Variants in TENM2 observed in about 807,000 individuals in gnomAD.
TENM2 encodes the protein teneurin transmembrane protein 2.
TENM2 carries 52 observed loss-of-function variants against 245.2 expected under a neutral mutation model. The ratio of observed to expected loss-of-function variants is 0.21; its 90% CI spans 0.17 to 0.27. The LOEUF is 0.27. TENM2 is among the 10% of genes least tolerant of loss of function. The probability of loss-of-function intolerance (pLI) is 1.00; values close to 1 mark genes in which losing one functional copy is unlikely to be tolerated. For missense variants in TENM2, 3,046 were observed against 3,666.8 expected, an observed-to-expected ratio of 0.83 and a Z score of 4.37; for synonymous variants, 1,363 against 1,438.9, an observed-to-expected ratio of 0.95 and a Z score of 1.19.
chr5:167,872,545 AAAG>A (rs1773048985), intron 2 of TENM2, among the ~76,000 whole-genome samples: 7 of 54,960 alleles, frequency 1.3e-4, no homozygotes, highest in African/African-American at 2.8e-4. Flanking sequence ...AGAAAGAAAG[AAAG>A]AGAAAGAAAG....
chr5:167,645,191 G>A (rs1779850340), intron 2 of TENM2, among the ~76,000 whole-genome samples: 1 of 152,182 alleles, frequency 6.6e-6, no homozygotes, highest in African/African-American at 2.4e-5. Flanking sequence ...GACCTCTTAG[G>A]ACTTAGTCTA....
intron 1 of TENM2, among the ~76,000 whole-genome samples, chr5:167,342,316 G>C (rs993572647): frequency 1.3e-5 from 2 of 151,938 alleles, no homozygotes; most frequent in Non-Finnish European, 2.9e-5. Flanking sequence ...CCACAGTTGA[G>C]ATCTGTCTGA....
the TENM2 span, chr5:167,116,297 A>T: frequency 2.0e-5 from 3 of 152,234 alleles, no homozygotes; most frequent in African/African-American, 7.2e-5. Context: ...AGTTCCAAGA[A>T]AGTTTGGGCC....
At chr5:167,393,086 C>A (rs1035313334) in intron 2 of TENM2, among the ~76,000 whole-genome samples, 1 of 148,666 alleles carries the variant, frequency 6.7e-6, no homozygotes, top group South Asian at 2.1e-4. Context: ...CATGCTACTG[C>A]ACTCCAGCAT....
At chr5:167,520,728 T>C (rs532837561) in intron 2 of TENM2, among the ~76,000 whole-genome samples, 1 of 152,066 alleles carries the variant, frequency 6.6e-6, no homozygotes, top group African/African-American at 2.4e-5. Flanking sequence ...ACTCTTCATC[T>C]TTTCTCCACG....
intron 3 of TENM2, among the ~76,000 whole-genome samples, chr5:167,898,536 A>C (rs1317215500): frequency 6.6e-6 from 1 of 152,238 alleles, no homozygotes; most frequent in African/African-American, 2.4e-5. Flanking sequence ...CAGCCTGGAC[A>C]CCACAGTGTT....
At position 167,571,744 on chromosome 5, in the gene TENM2, A is replaced by G. The variant is rs181171996; in HGVS notation, c.502+196271A>G. On this transcript the variant is annotated intron_variant, in intron 2 of 28. Coordinates refer to ENST00000518659, the Ensembl canonical transcript of TENM2. ...ACCTCGGGCCCCTTCCCCTGTTTTTATTGTGCTGAAATAGTTGCGTGCTGA... is the reference window on the plus strand; with the variant it reads ...ACCTCGGGCCCCTTCCCCTGTTTTTGTTGTGCTGAAATAGTTGCGTGCTGA... Among the ~76,000 whole-genome samples the G allele has an allele frequency of 7.4e-3, 1,130 of 152,220 alleles. 3 individuals carry two copies. Among genetic ancestry groups the G allele is most frequent in the Middle Eastern group, 0.017 (5 of 294 alleles).
chr5:167,157,329 A>G, the TENM2 span, among the ~76,000 whole-genome samples: 1 of 152,218 alleles, frequency 6.6e-6, no homozygotes, highest in African/African-American at 2.4e-5. Context: ...GTGTTTATTG[A>G]TAAGCCCCTC....
At chr5:167,242,421 C>G in the TENM2 span, among the ~76,000 whole-genome samples, 3 of 149,934 alleles carry the variant, frequency 2.0e-5, no homozygotes, top group African/African-American at 7.4e-5. Flanking sequence ...TACTGATTAA[C>G]CTTTGATGAT....
chr5:168,125,691 G>A (rs1795799781), intron 11 of TENM2, among the ~76,000 whole-genome samples: 1 of 151,958 alleles, frequency 6.6e-6, no homozygotes, highest in African/African-American at 2.4e-5. Context: ...CAATCAGGAA[G>A]GGAATAGACG....
the TENM2 span, among the ~76,000 whole-genome samples, chr5:167,034,992 A>G: frequency 6.6e-6 from 1 of 152,142 alleles, no homozygotes; most frequent in Non-Finnish European, 1.5e-5. Context: ...TGTTTTTAAG[A>G]TAGGTTGAGG....
intron 2 of TENM2, among the ~76,000 whole-genome samples, chr5:167,564,709 G>A (rs1368981145): frequency 6.6e-6 from 1 of 152,152 alleles, no homozygotes; most frequent in African/African-American, 2.4e-5. Flanking sequence ...GGGTTTCATG[G>A]GGGCTGGACT....
intron 6 of TENM2, among the ~76,000 whole-genome samples, chr5:168,054,328 A>G (rs1223680485): frequency 6.6e-6 from 1 of 152,212 alleles, no homozygotes; most frequent in Non-Finnish European, 1.5e-5. Context: ...GCTGAGCTGT[A>G]TTCTTGGGCA....
At chr5:166,987,304 G>A in the TENM2 span, among the ~76,000 whole-genome samples, 2 of 152,096 alleles carry the variant, frequency 1.3e-5, no homozygotes, top group Non-Finnish European at 2.9e-5. Context: ...TTTGGGGAGG[G>A]GGGAAAATGT....
intron 2 of TENM2, among the ~76,000 whole-genome samples, chr5:167,583,119 C>T (rs1035223094): frequency 4.6e-5 from 7 of 152,094 alleles, no homozygotes; most frequent in African/African-American, 7.2e-5. Flanking sequence ...TGGAGTTGTC[C>T]GTGACTCTTA....
At chr5:167,779,939 A>G (rs939630489) in intron 2 of TENM2, among the ~76,000 whole-genome samples, 1 of 152,200 alleles carries the variant, frequency 6.6e-6, no homozygotes, top group Admixed American at 6.5e-5. Context: ...GCCATTTTTC[A>G]ATGTACCAAA....
Position 167,645,613 on chromosome 5 carries a change from T to C in TENM2, c.503-230373T>C, listed in dbSNP as rs575668714. On this transcript the variant is annotated intron_variant, in intron 2 of 28. Transcript: ENST00000518659. ...CCTTTTTTTTTTTTTTCAGTAAACA[T>C]GAAGGATTAAAGGGAAATAGACAAC... 4.0e-5 allele frequency among the ~76,000 whole-genome samples: 6 copies of C among 150,074 alleles called. 1 individual carries two copies. The highest frequency in any genetic ancestry group is 1.5e-4 in the African/African-American group (6 of 40,784).
intron 5 of TENM2, among the ~76,000 whole-genome samples, chr5:168,042,058 G>A (rs1788237430): frequency 6.6e-6 from 1 of 152,168 alleles, no homozygotes; most frequent in Non-Finnish European, 1.5e-5. Context: ...CGACATTGTT[G>A]ACTTAATTGG....
At chr5:167,023,909 A>C in the TENM2 span, among the ~76,000 whole-genome samples, 1 of 152,222 alleles carries the variant, frequency 6.6e-6, no homozygotes, top group Non-Finnish European at 1.5e-5. Context: ...CACTTTACTT[A>C]TAAAAGCAAA....
Sources: allele counts gnomAD v4.1 joint callset (sites outside exome capture counted in the v4.1 genomes callset), GRCh38; gene constraint gnomAD v4.1.1; transcripts MANE v1.5; gene names NCBI Gene and HGNC (gene_info 2026-07-23, HGNC 2026-07-21).